ESRRG: variants seen among roughly 807,000 people sequenced by gnomAD.
ESRRG encodes estrogen-related receptor gamma.
A neutral mutation model predicts 44.0 loss-of-function variants in ESRRG; 13 were observed. The ratio of observed to expected loss-of-function variants is 0.30; its 90% CI spans 0.19 to 0.47. The LOEUF is 0.47. ESRRG is among the 20% of genes least tolerant of loss of function. The pLI, the probability that ESRRG is intolerant of heterozygous loss-of-function variation, is 1.00. For missense variants in ESRRG, 395 were observed against 580.6 expected (o/e 0.68, Z 3.29); for synonymous variants, 215 against 214.6 (o/e 1.00, Z -0.02).
intron 1 of ESRRG, among the ~76,000 whole-genome samples, chr1:216,957,235 T>C (rs1482297531): frequency 6.6e-6 from 1 of 152,136 alleles, no homozygotes; most frequent in East Asian, 1.9e-4. Context: ...ATCTCTTCTT[T>C]TATCTTTCTA....
At chr1:216,705,764 A>G (rs1167929984) in intron 1 of ESRRG, among the ~76,000 whole-genome samples, 1 of 152,160 alleles carries the variant, frequency 6.6e-6, no homozygotes, top group Non-Finnish European at 1.5e-5. Flanking sequence ...AGCTACCTAA[A>G]TAATTCACAC....
intron 1 of ESRRG, among the ~76,000 whole-genome samples, chr1:217,074,195 C>A (rs1320544713): frequency 1.3e-5 from 2 of 151,786 alleles, no homozygotes; most frequent in African/African-American, 2.4e-5. Flanking sequence ...TTACAGGTGC[C>A]CACCACCGTG....
At chr1:216,972,133 C>T (rs537768912) in intron 1 of ESRRG, among the ~76,000 whole-genome samples, 1 of 152,042 alleles carries the variant, frequency 6.6e-6, no homozygotes, top group African/African-American at 2.4e-5. Context: ...ACCTATCAGA[C>T]CAATTGGAGT....
chr1:217,062,584 A>G (rs1379137899), intron 1 of ESRRG, among the ~76,000 whole-genome samples: 1 of 152,212 alleles, frequency 6.6e-6, no homozygotes, highest in Non-Finnish European at 1.5e-5. Context: ...AGGAGGTAAG[A>G]AATTAAAATA....
intron 3 of ESRRG, among the ~76,000 whole-genome samples, chr1:216,623,812 A>G (rs1228992545): frequency 2.0e-5 from 3 of 152,168 alleles, no homozygotes; most frequent in Non-Finnish European, 4.4e-5. Flanking sequence ...ATGAAAGGAA[A>G]ATGCCCATGT....
chr1:216,792,247 T>C (rs1231192733), intron 2 of ESRRG, among the ~76,000 whole-genome samples: 1 of 152,188 alleles, frequency 6.6e-6, no homozygotes, highest in African/African-American at 2.4e-5. Context: ...TTTTATATCA[T>C]ATCCTCTATC....
chr1:216,510,892 C>T (rs1209316982), intron 6 of ESRRG, among the ~76,000 whole-genome samples: 1 of 151,958 alleles, frequency 6.6e-6, no homozygotes, highest in Non-Finnish European at 1.5e-5. Flanking sequence ...AAGAAGAAAA[C>T]ATTAATCATT....
chr1:216,514,669 G>A (rs2043666156), intron 6 of ESRRG, among the ~76,000 whole-genome samples: 1 of 152,048 alleles, frequency 6.6e-6, no homozygotes, highest in Non-Finnish European at 1.5e-5. Flanking sequence ...AATAGAAATA[G>A]CTCATTGATA....
chr1:217,012,593 G>A (rs2078789245), intron 1 of ESRRG, among the ~76,000 whole-genome samples: 1 of 152,188 alleles, frequency 6.6e-6, no homozygotes, highest in African/African-American at 2.4e-5. Flanking sequence ...TTTAGGCTAA[G>A]GAAATTACAG....
At chr1:217,093,326 G>T (rs1398020548), upstream of ESRRG, among the ~76,000 whole-genome samples, 8 of 152,140 alleles carry the variant, frequency 5.3e-5, no homozygotes, top group African/African-American at 1.9e-4. Flanking sequence ...CACAGGATGT[G>T]AGAGAGGAGA....
chr1:216,697,763 T>C (rs777855723), intron 1 of ESRRG, among the ~76,000 whole-genome samples: 3 of 152,166 alleles, frequency 2.0e-5, no homozygotes, highest in Non-Finnish European at 2.9e-5. Context: ...CAGGGGAAAA[T>C]GTGGAGACAA....
chr1:216,883,495 T>C (rs776286452), intron 2 of ESRRG, among the ~76,000 whole-genome samples: 16 of 151,552 alleles, frequency 1.1e-4, no homozygotes, highest in Non-Finnish European at 2.1e-4. Context: ...AGGGAGACAG[T>C]AGCGAATGGA....
intron 3 of ESRRG, among the ~76,000 whole-genome samples, chr1:216,606,329 T>C (rs2059931326): frequency 6.6e-6 from 1 of 152,180 alleles, no homozygotes; most frequent in East Asian, 1.9e-4. Context: ...TCAGACGTGG[T>C]AGTAAACGCC....
intron 5 of ESRRG, among the ~76,000 whole-genome samples, chr1:216,524,562 A>T (rs574595414): frequency 6.6e-6 from 1 of 152,184 alleles, no homozygotes; most frequent in South Asian, 2.1e-4. Context: ...ATTCAATCAC[A>T]ATTGGGTGAA....
At chr1:216,514,349 C>G (rs1173417805) in intron 6 of ESRRG, among the ~76,000 whole-genome samples, 3 of 151,826 alleles carry the variant, frequency 2.0e-5, no homozygotes, top group African/African-American at 7.3e-5. Flanking sequence ...TCTTATTTAC[C>G]TGATAGTATT....
At chr1:216,704,074 C>T (rs919618734) in intron 1 of ESRRG, among the ~76,000 whole-genome samples, 1 of 152,118 alleles carries the variant, frequency 6.6e-6, no homozygotes, top group Admixed American at 6.5e-5. Context: ...CAATGTGATT[C>T]ATTTTCATGT....
chr1:217,088,386 T>C (rs948886668), intron 1 of ESRRG, among the ~76,000 whole-genome samples: 1 of 149,022 alleles, frequency 6.7e-6, no homozygotes, highest in Non-Finnish European at 1.5e-5. Context: ...TGAGAATTTC[T>C]TTTTTTCCTG....
At chr1:216,671,072 T>C (rs1383697560) in intron 2 of ESRRG, among the ~76,000 whole-genome samples, 1 of 152,172 alleles carries the variant, frequency 6.6e-6, no homozygotes, top group East Asian at 1.9e-4. Flanking sequence ...GGTCCTGCAA[T>C]GTTCAGAGTG....
rs547993855 is a variant in ESRRG, at chr1:216,697,214, C to A, written c.57-19723G>T. On this transcript the variant is annotated intron_variant, in intron 1 of 6. Transcript: ENST00000408911. ...CTCCTGACCTCAAGTGATCCACCCG[C>A]CTTGGCCTCCCAAAGTGCTGGAATT... Among the ~76,000 whole-genome samples, 128 of 152,274 alleles carry A rather than the reference C, an allele frequency of 8.4e-4. 1 individual carries two copies. Among genetic ancestry groups the A allele is most frequent in the African/African-American group, 3.0e-3 (124 of 41,562 alleles).
Sources: allele counts gnomAD v4.1 joint callset (sites outside exome capture counted in the v4.1 genomes callset), GRCh38; gene constraint gnomAD v4.1.1; transcripts MANE v1.5; gene names NCBI Gene and HGNC (gene_info 2026-07-23, HGNC 2026-07-21).